EIF4G3: variants seen among roughly 807,000 people sequenced by gnomAD.
EIF4G3 encodes eukaryotic translation initiation factor 4 gamma 3.
A neutral mutation model predicts 186.4 loss-of-function variants in EIF4G3; 34 were observed. The observed-to-expected ratio is 0.18, with a 90% CI of 0.14 to 0.24. EIF4G3 has a LOEUF of 0.24. Ranked by LOEUF, EIF4G3 falls within the 10% of genes least tolerant of loss-of-function variation. The pLI is 1.00. For missense variants in EIF4G3, 1,536 were observed against 1,948.5 expected, an observed-to-expected ratio of 0.79 and a Z score of 3.99; for synonymous variants, 673 against 679.5, an observed-to-expected ratio of 0.99 and a Z score of 0.15.
intron 2 of EIF4G3, among the ~76,000 whole-genome samples, chr1:21,156,880 G>A (rs1573499761): frequency 6.6e-6 from 1 of 152,020 alleles, no homozygotes; most frequent in African/African-American, 2.4e-5. Context: ...TTCAAGACCA[G>A]GCTAGGCAAC....
At chr1:21,007,196 G>A (rs1385415062) in intron 4 of EIF4G3, among the ~76,000 whole-genome samples, 5 of 152,034 alleles carry the variant, frequency 3.3e-5, no homozygotes, top group Non-Finnish European at 4.4e-5. Flanking sequence ...TCAGGAGCTC[G>A]AGACCAGCCT....
chr1:20,869,746 G>A (rs1050733518), intron 20 of EIF4G3, among the ~76,000 whole-genome samples: 1 of 136,306 alleles, frequency 7.3e-6, no homozygotes, highest in African/African-American at 2.8e-5. Flanking sequence ...CTGCACTCTA[G>A]CCTGGGTGAA....
chr1:20,990,266 C>G (rs748063757), intron 7 of EIF4G3, among the ~76,000 whole-genome samples: 3 of 152,206 alleles, frequency 2.0e-5, no homozygotes, highest in Non-Finnish European at 2.9e-5. Context: ...TCTCAATCCT[C>G]AGCAACCACT....
Position 20,858,094 on chromosome 1 carries a change from C to T in EIF4G3, c.3245-597G>A, listed in dbSNP as rs921117155. Among the ~76,000 whole-genome samples, 12 of 152,316 alleles carry T rather than the reference C, an allele frequency of 7.9e-5. No homozygotes were observed. In the South Asian group the frequency reaches 8.3e-4, roughly 11 times the overall value. The stretch of plus-strand genomic sequence containing the variant: ...CCCCTTTCCTAGATTACTGCAGAGA[C>T]GTGTTTTGGCCTTCCTGCTTCTACC... On this transcript the variant is annotated intron_variant, in intron 24 of 36. Transcript: ENST00000602326.
chr1:21,120,601 G>A (rs1441949402), intron 2 of EIF4G3, among the ~76,000 whole-genome samples: 1 of 145,142 alleles, frequency 6.9e-6, no homozygotes, highest in Non-Finnish European at 1.5e-5. Flanking sequence ...GGACAACAGA[G>A]TGAGTGAGAC....
At chr1:20,813,523 T>G (rs113559843) in intron 34 of EIF4G3, among the ~76,000 whole-genome samples, 165 of 151,394 alleles carry the variant, frequency 1.1e-3, no homozygotes, top group African/African-American at 3.9e-3. Context: ...AAGCAATGAC[T>G]GCACCACTGC....
chr1:20,941,916 T>C lies in EIF4G3; in HGVS notation c.1238A>G (p.Asn413Ser). The stretch of plus-strand genomic sequence containing the variant: ...TTTTTCGCTAACTCCATTTATTTCA[T>C]TAATTAGGTTAGTACTAGAAACCAG... ...IPLVSSTNLI[N>S]EINGVSEKLS... Residue 413 changes from asparagine (N) to serine (S), a missense_variant, in exon 14 of 37, where the codon AAT becomes AGT. Coordinates refer to ENST00000602326, the MANE Select transcript of EIF4G3 (RefSeq NM_001391906.1). 1 of 1,614,178 alleles carries C rather than the reference T, an allele frequency of 6.2e-7. No homozygotes were observed. The highest frequency in any genetic ancestry group is 8.5e-7 in the Non-Finnish European group (1 of 1,180,022).
intron 4 of EIF4G3, among the ~76,000 whole-genome samples, chr1:21,033,966 G>A (rs1293048113): frequency 6.6e-6 from 1 of 152,174 alleles, no homozygotes; most frequent in Non-Finnish European, 1.5e-5. Context: ...GTATGTGCCT[G>A]TAGTACTAAC....
rs376496321 is a variant in EIF4G3, at chr1:21,003,171, CTTTTTT to C, written c.-66-369_-66-364del. Among the ~76,000 whole-genome samples, 263 of 106,020 alleles carry C rather than the reference CTTTTTT, an allele frequency of 2.5e-3. 1 individual carries two copies. Among genetic ancestry groups the C allele is most frequent in the African/African-American group, 8.1e-3 (242 of 30,048 alleles). The allele number at this position is 106,020 out of a possible 152,430, so 69.6% of individuals were successfully genotyped here. On this transcript the variant is annotated intron_variant, in intron 4 of 36. Coordinates refer to ENST00000602326, the MANE Select transcript of EIF4G3 (RefSeq NM_001391906.1). ...AGCACTGTGCCGGACTAATTTTTTTCTTTTTTTTTTTTTTTTTTCAGAGACAGGGTC... is the reference window on the plus strand; with the variant it reads ...AGCACTGTGCCGGACTAATTTTTTTCTTTTTTTTTTTTCAGAGACAGGGTC...
At chr1:21,128,639 T>C (rs1183868063) in intron 2 of EIF4G3, among the ~76,000 whole-genome samples, 2 of 152,322 alleles carry the variant, frequency 1.3e-5, no homozygotes, top group Non-Finnish European at 2.9e-5. Context: ...TTCTGTATAA[T>C]GCTCATGGCT....
chr1:21,172,079 C>T (rs1342672401), intron 2 of EIF4G3, among the ~76,000 whole-genome samples: 17 of 137,256 alleles, frequency 1.2e-4, no homozygotes, highest in African/African-American at 4.7e-4. Flanking sequence ...GAATTTTTAG[C>T]TTGTGTTTGA....
chr1:21,168,969 A>G (rs1244494474), intron 2 of EIF4G3, among the ~76,000 whole-genome samples: 1 of 152,096 alleles, frequency 6.6e-6, no homozygotes, highest in Non-Finnish European at 1.5e-5. Flanking sequence ...CTTGAGCCCA[A>G]GAGTTCGAGA....
intron 14 of EIF4G3, chr1:20,941,241 A>G (rs2095701310): frequency 1.3e-6 from 2 of 1,538,706 alleles, no homozygotes; most frequent in Non-Finnish European, 1.8e-6. Context: ...AAAACCCAAC[A>G]TGTTTCGTGA....
chr1:20,941,132 A>G, intron 14 of EIF4G3: 1 of 1,256,736 alleles, frequency 8.0e-7, no homozygotes, highest in Non-Finnish European at 1.1e-6. Context: ...TAGGGACTAT[A>G]GACCATCCTG....
At chr1:20,890,138 A>G (rs1053807771) in intron 18 of EIF4G3, among the ~76,000 whole-genome samples, 3 of 151,962 alleles carry the variant, frequency 2.0e-5, no homozygotes, top group Non-Finnish European at 2.9e-5. Context: ...ACGCCTGGCT[A>G]ATTTTCACAT....
chr1:21,044,163 G>A (rs1490649713), intron 4 of EIF4G3, among the ~76,000 whole-genome samples: 1 of 152,030 alleles, frequency 6.6e-6, no homozygotes, highest in Non-Finnish European at 1.5e-5. Context: ...TGGTCCCCTT[G>A]GTGACAAATC....
chr1:21,113,994 T>C (rs980558860), intron 2 of EIF4G3, among the ~76,000 whole-genome samples: 1 of 152,040 alleles, frequency 6.6e-6, no homozygotes, highest in South Asian at 2.1e-4. Context: ...CCAGCCAGAG[T>C]GATACAGTGA....
intron 2 of EIF4G3, among the ~76,000 whole-genome samples, chr1:21,145,547 G>A (rs1037566998): frequency 6.6e-6 from 1 of 151,718 alleles, no homozygotes; most frequent in Non-Finnish European, 1.5e-5. Context: ...TTACTGGTTT[G>A]AGTCACCCCA....
chr1:20,814,070 C>G (rs547159799), intron 34 of EIF4G3, among the ~76,000 whole-genome samples: 7 of 150,414 alleles, frequency 4.7e-5, no homozygotes, highest in African/African-American at 1.2e-4. Context: ...CCTCAGCCTC[C>G]TGAGTAGCTG....
Sources: allele counts gnomAD v4.1 joint callset (sites outside exome capture counted in the v4.1 genomes callset), GRCh38; gene constraint gnomAD v4.1.1; transcripts MANE v1.5; gene names NCBI Gene and HGNC (gene_info 2026-07-23, HGNC 2026-07-21).